Variants in PKNOX2 observed in about 807,000 individuals in gnomAD.
PKNOX2 encodes the protein homeobox protein PKNOX2.
In PKNOX2, 14 loss-of-function variants were observed where a neutral mutation model predicts 53.1. The ratio of observed to expected loss-of-function variants is 0.26; its 90% CI spans 0.17 to 0.41. PKNOX2 has a LOEUF of 0.41. Among genes scored for constraint, PKNOX2 ranks in the 10% least tolerant of loss-of-function variants. The probability of loss-of-function intolerance (pLI) is 1.00; values close to 1 mark genes in which losing one functional copy is unlikely to be tolerated. For missense variants in PKNOX2, 496 were observed against 602.8 expected, an observed-to-expected ratio of 0.82 and a Z score of 1.85; for synonymous variants, 257 against 242.8, an observed-to-expected ratio of 1.06 and a Z score of -0.54.
intron 2 of PKNOX2, among the ~76,000 whole-genome samples, chr11:125,329,327 CTAACT>C (rs1260065181): frequency 2.6e-5 from 4 of 152,194 alleles, no homozygotes; most frequent in African/African-American, 9.7e-5. Context: ...AGGATTGCTA[CTAACT>C]TAACATTTTT....
intron 11 of PKNOX2, 128 bp downstream of exon 11, chr11:125,429,216 A>C: frequency 1.1e-6 from 1 of 887,572 alleles, no homozygotes; most frequent in South Asian, 1.7e-5. Flanking sequence ...CTACCATGCC[A>C]GTCCCCCCAT....
rs555197835 is a variant in PKNOX2, at chr11:125,252,227, G to T, written c.-130+17112G>T. ...AATCACATCCTGGTAGCCAGAGAGG[G>T]CTTGGCTGATGAGGTGAAATGCAAA... is the stretch of plus-strand genomic sequence containing the variant. On this transcript the variant is annotated intron_variant, in intron 2 of 12. Coordinates refer to ENST00000298282, the MANE Select transcript of PKNOX2 (RefSeq NM_001382323.2). Among the ~76,000 whole-genome samples, 19 of 152,188 alleles carry T rather than the reference G, an allele frequency of 1.2e-4. No individual in the cohort carries two copies. The South Asian group carries it at 1.5e-3, about 12-fold the overall frequency.
chr11:125,301,614 A>G (rs1948075751), intron 2 of PKNOX2, among the ~76,000 whole-genome samples: 1 of 151,988 alleles, frequency 6.6e-6, no homozygotes, highest in South Asian at 2.1e-4. Context: ...AAGTATATGA[A>G]TTTGTTACAT....
intron 2 of PKNOX2, among the ~76,000 whole-genome samples, chr11:125,289,696 G>A (rs1404140495): frequency 6.6e-6 from 1 of 152,066 alleles, no homozygotes; most frequent in African/African-American, 2.4e-5. Flanking sequence ...AATGTTACCC[G>A]GGCCAGAGCA....
At chr11:125,282,842 G>A (rs989915626) in intron 2 of PKNOX2, among the ~76,000 whole-genome samples, 1 of 152,198 alleles carries the variant, frequency 6.6e-6, no homozygotes, top group Admixed American at 6.5e-5. Flanking sequence ...CTGAAGGAAT[G>A]AATTTTACAT....
chr11:125,363,207 A>T (rs1952015281), intron 4 of PKNOX2, among the ~76,000 whole-genome samples: 1 of 152,132 alleles, frequency 6.6e-6, no homozygotes, highest in Non-Finnish European at 1.5e-5. Context: ...GGCGTGAGCC[A>T]CTCACCCACC....
Position 125,205,783 on chromosome 11 carries a change from A to T in PKNOX2, c.-200-29262A>T, listed in dbSNP as rs958401102. The stretch of plus-strand genomic sequence containing the variant: ...GGCACTTAAAATCTACAAGATACTT[A>T]AAAAGATGAAAATACACATGTAACC... On this transcript the variant is annotated intron_variant, in intron 1 of 12. Coordinates refer to ENST00000298282, the MANE Select transcript of PKNOX2 (RefSeq NM_001382323.2). Among the ~76,000 whole-genome samples the T allele has an allele frequency of 5.2e-4, 79 of 152,262 alleles. 1 individual carries two copies. Among genetic ancestry groups the T allele is most frequent in the African/African-American group, 1.8e-3 (76 of 41,570 alleles).
chr11:125,404,557 G>A (rs1954955318), intron 7 of PKNOX2, among the ~76,000 whole-genome samples: 1 of 152,054 alleles, frequency 6.6e-6, no homozygotes, highest in Non-Finnish European at 1.5e-5. Context: ...GGGTGTCTGG[G>A]GACAGGGACA....
At chr11:125,169,017 G>A (rs1955088918) in intron 1 of PKNOX2, among the ~76,000 whole-genome samples, 1 of 152,152 alleles carries the variant, frequency 6.6e-6, no homozygotes, top group South Asian at 2.1e-4. Context: ...GTTCGAGGAG[G>A]GTGAGAAAGG....
Position 125,217,755 on chromosome 11 carries a change from G to T in PKNOX2, c.-200-17290G>T, listed in dbSNP as rs1591484328. Among the ~76,000 whole-genome samples, 12 of 152,254 alleles carry T rather than the reference G, an allele frequency of 7.9e-5. No individual in the cohort carries two copies. The South Asian group carries it at 2.3e-3, about 29-fold the overall frequency. The stretch of plus-strand genomic sequence containing the variant: ...AGGGGGTGGTTTTGAGCCTAGGAGG[G>T]GGAATATTACAGCTATCATTTACTG... On this transcript the variant is annotated intron_variant, in intron 1 of 12. Coordinates refer to ENST00000298282, the MANE Select transcript of PKNOX2 (RefSeq NM_001382323.2).
At chr11:125,312,648 G>A (rs902165934) in intron 2 of PKNOX2, among the ~76,000 whole-genome samples, 1 of 152,162 alleles carries the variant, frequency 6.6e-6, no homozygotes, top group Non-Finnish European at 1.5e-5. Flanking sequence ...TGTCACGCAC[G>A]GCAGGCACTC....
chr11:125,313,852 CAG>C (rs1314184283), intron 2 of PKNOX2, among the ~76,000 whole-genome samples: 3 of 152,328 alleles, frequency 2.0e-5, no homozygotes, highest in South Asian at 2.1e-4. Flanking sequence ...AAAATACAGA[CAG>C]AGAGCATTTC....
chr11:125,201,858 G>A (rs559241838), intron 1 of PKNOX2, among the ~76,000 whole-genome samples: 3 of 152,306 alleles, frequency 2.0e-5, no homozygotes, highest in South Asian at 4.1e-4. Flanking sequence ...AGCCCAGTGA[G>A]TTTAGCATCA....
chr11:125,294,052 C>T (rs918753927), intron 2 of PKNOX2, among the ~76,000 whole-genome samples: 1 of 152,160 alleles, frequency 6.6e-6, no homozygotes, highest in East Asian at 1.9e-4. Context: ...TTGTAGACTG[C>T]CACTAATGTT....
intron 1 of PKNOX2, among the ~76,000 whole-genome samples, chr11:125,176,109 C>T (rs956540042): frequency 2.0e-5 from 3 of 152,234 alleles, no homozygotes; most frequent in African/African-American, 2.4e-5. Flanking sequence ...GATTCCTGAG[C>T]GCCCGGTGGT....
At chr11:125,313,702 T>C (rs1159307311) in intron 2 of PKNOX2, among the ~76,000 whole-genome samples, 1 of 152,156 alleles carries the variant, frequency 6.6e-6, no homozygotes, top group Non-Finnish European at 1.5e-5. Context: ...ATATACTGTC[T>C]AACGTGGCAG....
chr11:125,179,520 G>A (rs1012235487), intron 1 of PKNOX2, among the ~76,000 whole-genome samples: 9 of 152,158 alleles, frequency 5.9e-5, no homozygotes, highest in South Asian at 4.1e-4. Flanking sequence ...AAGGCCCCCC[G>A]GCAGGGAGGA....
intron 7 of PKNOX2, among the ~76,000 whole-genome samples, chr11:125,406,771 G>A (rs114759221): frequency 3.2e-4 from 48 of 152,084 alleles, no homozygotes; most frequent in African/African-American, 1.1e-3. Context: ...TGGGGTGATG[G>A]TGACATTAAA....
At chr11:125,355,659 C>A (rs1285525725) in intron 4 of PKNOX2, among the ~76,000 whole-genome samples, 1 of 152,180 alleles carries the variant, frequency 6.6e-6, no homozygotes, top group African/African-American at 2.4e-5. Context: ...TGGCTGTCAG[C>A]TGGACTTTCA....
Sources: gnomAD v4.1 joint callset for allele counts (sites outside exome capture counted in the v4.1 genomes callset) on GRCh38, gnomAD v4.1.1 for gene constraint, MANE v1.5 for transcripts, NCBI Gene and HGNC (gene_info 2026-07-23, HGNC 2026-07-21) for gene names.